Variants in MARK3 observed in about 807,000 individuals in gnomAD.
The protein encoded by MARK3 is MAP/microtubule affinity-regulating kinase 3.
MARK3 carries 46 observed loss-of-function variants against 90.1 expected under a neutral mutation model. The ratio of observed to expected loss-of-function variants is 0.51; its 90% CI spans 0.40 to 0.65. The LOEUF (loss-of-function observed/expected upper bound fraction) is 0.65, where lower values mean the gene tolerates loss of function less well. MARK3 is among the 30% of genes least tolerant of loss of function. The pLI is 0.00. For missense variants in MARK3, 818 were observed against 947.2 expected, an observed-to-expected ratio of 0.86 and a Z score of 1.79; for synonymous variants, 321 against 332.6, an observed-to-expected ratio of 0.97 and a Z score of 0.38.
At chr14:103,432,389 G>A (rs1372550638) in intron 3 of MARK3, among the ~76,000 whole-genome samples, 1 of 152,158 alleles carries the variant, frequency 6.6e-6, no homozygotes, top group Non-Finnish European at 1.5e-5. Flanking sequence ...TTTCATCAGG[G>A]TCTTTGTGGG....
At chr14:103,452,384 C>T (rs1433910700) in intron 5 of MARK3, among the ~76,000 whole-genome samples, 1 of 152,068 alleles carries the variant, frequency 6.6e-6, no homozygotes, top group Non-Finnish European at 1.5e-5. Flanking sequence ...TCTCCTTCTC[C>T]CAGTCCTTGG....
At chr14:103,420,978 TCTAGTCTTC>T (rs1410415819) in intron 2 of MARK3, among the ~76,000 whole-genome samples, 2 of 152,196 alleles carry the variant, frequency 1.3e-5, no homozygotes, top group Non-Finnish European at 2.9e-5. Flanking sequence ...TGAAGTGCTG[TCTAGTCTTC>T]CTAACGCACC....
intron 3 of MARK3, among the ~76,000 whole-genome samples, chr14:103,444,086 C>CTTTT (rs10676381): frequency 0.013 from 1,523 of 116,320 alleles, 36 homozygotes; most frequent in African/African-American, 0.018. Context: ...GTAAAATTGT[C>CTTTT]TTTTTTTTTT....
At chr14:103,500,726 G>A (rs1028558054) in intron 17 of MARK3, among the ~76,000 whole-genome samples, 5 of 151,356 alleles carry the variant, frequency 3.3e-5, no homozygotes, top group Non-Finnish European at 5.9e-5. Context: ...AGGCTTATGC[G>A]ATCCTCCCAC....
At chr14:103,405,531 CAG>C (rs1301571679) in intron 2 of MARK3, among the ~76,000 whole-genome samples, 1 of 151,992 alleles carries the variant, frequency 6.6e-6, no homozygotes, top group Non-Finnish European at 1.5e-5. Flanking sequence ...TTTGTAGAGA[CAG>C]GGTTTCACCG....
chr14:103,414,130 G>T (rs539767397), intron 2 of MARK3, among the ~76,000 whole-genome samples: 46 of 151,872 alleles, frequency 3.0e-4, no homozygotes, highest in African/African-American at 1.0e-3. Flanking sequence ...AATATTCCTA[G>T]TAGAAAGAAA....
chr14:103,393,758 A>G (rs1297308286), intron 1 of MARK3, among the ~76,000 whole-genome samples: 2 of 128,204 alleles, frequency 1.6e-5, no homozygotes, highest in Non-Finnish European at 3.2e-5. Flanking sequence ...TCTGCATTTT[A>G]TTACTTTTTT....
intron 13 of MARK3, among the ~76,000 whole-genome samples, chr14:103,475,459 T>C (rs1595861830): frequency 2.1e-4 from 1 of 4,696 alleles, no homozygotes; most frequent in East Asian, 0.1. Context: ...GAAAAGACAT[T>C]TATTTCTTAA....
chr14:103,446,262 C>T (rs1451686749), intron 3 of MARK3, among the ~76,000 whole-genome samples: 2 of 152,152 alleles, frequency 1.3e-5, no homozygotes, highest in Non-Finnish European at 2.9e-5. Flanking sequence ...CGCGGTGGCT[C>T]ACATCTGTAA....
At chr14:103,441,932 C>T (rs1241991517) in intron 3 of MARK3, among the ~76,000 whole-genome samples, 1 of 151,876 alleles carries the variant, frequency 6.6e-6, no homozygotes, top group Non-Finnish European at 1.5e-5. Flanking sequence ...AAATGATAAC[C>T]AGAACCCCAA....
intron 7 of MARK3, among the ~76,000 whole-genome samples, chr14:103,465,219 C>T (rs375229890): frequency 6.6e-6 from 1 of 152,302 alleles, no homozygotes; most frequent in South Asian, 2.1e-4. Flanking sequence ...TCGTCCACCT[C>T]GGCCTCCCAA....
At chr14:103,459,677 T>TA (rs1010472246) in intron 6 of MARK3, among the ~76,000 whole-genome samples, 35 of 151,324 alleles carry the variant, frequency 2.3e-4, no homozygotes, top group Admixed American at 1.4e-3. Context: ...TTTTTTATTT[T>TA]TTTTTTTGTA....
chr14:103,449,678 G>C (rs1427340431), intron 4 of MARK3, among the ~76,000 whole-genome samples: 1 of 152,146 alleles, frequency 6.6e-6, no homozygotes, highest in Non-Finnish European at 1.5e-5. Flanking sequence ...TACCCTTAGA[G>C]TAACTGTAGA....
At chr14:103,387,502 AT>A (rs1203431741) in intron 1 of MARK3, among the ~76,000 whole-genome samples, 1 of 151,938 alleles carries the variant, frequency 6.6e-6, no homozygotes, top group Non-Finnish European at 1.5e-5. Flanking sequence ...TTATTTACTT[AT>A]TTATTTTTTG....
rs760334957 is a variant in MARK3 at position 103,428,375 on chromosome 14, T to G, written c.244-12T>G. Reference sequence around the variant, plus strand: ...ATTCTTAAAATCCATAAATATTTATTATTCTTTCTAGGTTGCAATAAAAAT... The same window carrying G: ...ATTCTTAAAATCCATAAATATTTATGATTCTTTCTAGGTTGCAATAAAAAT... On this transcript the variant is annotated splice_polypyrimidine_tract_variant and intron_variant, in intron 2 of 17. Transcript: ENST00000429436. 17 of 1,328,232 alleles carry G rather than the reference T, an allele frequency of 1.3e-5. No homozygotes were observed. The highest frequency in any genetic ancestry group is 1.8e-5 in the Non-Finnish European group (17 of 960,376). 82.3% of individuals were successfully genotyped at this position (1,328,232 alleles called of 1,614,324 possible).
At chr14:103,445,242 G>C (rs1474742812) in intron 3 of MARK3, among the ~76,000 whole-genome samples, 4 of 152,138 alleles carry the variant, frequency 2.6e-5, no homozygotes, top group Non-Finnish European at 5.9e-5. Flanking sequence ...GTATACTGGA[G>C]ATGATCATAC....
At chr14:103,426,049 T>G (rs531528438) in intron 2 of MARK3, among the ~76,000 whole-genome samples, 5 of 152,334 alleles carry the variant, frequency 3.3e-5, no homozygotes, top group South Asian at 2.1e-4. Context: ...TCTGAGACCC[T>G]TTTAAGGAGT....
intron 2 of MARK3, among the ~76,000 whole-genome samples, chr14:103,420,344 C>T (rs928813724): frequency 2.0e-5 from 3 of 152,114 alleles, no homozygotes; most frequent in African/African-American, 4.8e-5. Flanking sequence ...GTCCTTCCAC[C>T]TCAGCCTCCT....
In MARK3 at chr14:103,388,635, C is replaced by G. The variant is rs181204345; in HGVS notation, c.51+2555C>G. Reference sequence around the variant, plus strand: ...ATCACAATCAAGATGTAGAACACTTCCATTGCCAGAAAGGTCCCTTATGGC... The same window carrying G: ...ATCACAATCAAGATGTAGAACACTTGCATTGCCAGAAAGGTCCCTTATGGC... On this transcript the variant is annotated intron_variant, in intron 1 of 17. Transcript: ENST00000429436. 1.1e-3 allele frequency among the ~76,000 whole-genome samples: 170 copies of G among 152,274 alleles called. 2 individuals are homozygous for G. The highest frequency in any genetic ancestry group is 1.6e-4 in the Non-Finnish European group (11 of 68,026).
Sources: gnomAD v4.1 joint callset for allele counts (sites outside exome capture counted in the v4.1 genomes callset) on GRCh38, gnomAD v4.1.1 for gene constraint, MANE v1.5 for transcripts, NCBI Gene and HGNC (gene_info 2026-07-23, HGNC 2026-07-21) for gene names.